The following OSBPL10 variants were observed in gnomAD, a reference collection of about 807,000 sequenced individuals.
OSBPL10 encodes oxysterol binding protein like 10, also known as oxysterol-binding protein-related protein 10.
OSBPL10 carries 49 observed loss-of-function variants against 81.7 expected under a neutral mutation model. The ratio of observed to expected loss-of-function variants is 0.60; its 90% CI spans 0.48 to 0.76. OSBPL10 has a LOEUF of 0.76. Ranked by LOEUF, OSBPL10 falls within the 30% of genes least tolerant of loss-of-function variation. OSBPL10 has a pLI of 0.00. For synonymous variants in OSBPL10, 419 were observed against 383.6 expected (o/e 1.09, Z -1.08); for missense variants, 923 against 987.8 (o/e 0.93, Z 0.88).
At chr3:31,762,674 G>C (rs1475697827) in intron 4 of OSBPL10, among the ~76,000 whole-genome samples, 1 of 118,278 alleles carries the variant, frequency 8.5e-6, no homozygotes, top group Non-Finnish European at 1.7e-5. Flanking sequence ...TCACCAAGTT[G>C]CCCAGGCTGG....
chr3:31,827,442 C>T (rs938912987), intron 4 of OSBPL10, among the ~76,000 whole-genome samples: 1 of 152,104 alleles, frequency 6.6e-6, no homozygotes, highest in Non-Finnish European at 1.5e-5. Context: ...CAAGACCAGC[C>T]TGGCTAACAC....
At chr3:31,663,748 A>G in intron 11 of OSBPL10, 1 of 1,184,388 alleles carries the variant, frequency 8.4e-7, no homozygotes, top group Non-Finnish European at 1.1e-6. Flanking sequence ...AGGTGCCATG[A>G]TGATTTTCTT....
intron 1 of OSBPL10, among the ~76,000 whole-genome samples, chr3:31,969,977 C>T (rs1423764157): frequency 6.6e-6 from 1 of 152,060 alleles, no homozygotes; most frequent in Non-Finnish European, 1.5e-5. Context: ...GTGGAATTAG[C>T]TGGTCCTAGT....
intron 4 of OSBPL10, among the ~76,000 whole-genome samples, chr3:31,785,660 A>C (rs1698842614): frequency 6.6e-6 from 1 of 152,146 alleles, no homozygotes; most frequent in South Asian, 2.1e-4. Flanking sequence ...TCATTCTATA[A>C]AATGAAGAGA....
intron 1 of OSBPL10, among the ~76,000 whole-genome samples, chr3:31,918,565 C>T (rs1696822983): frequency 6.6e-6 from 1 of 152,154 alleles, no homozygotes; most frequent in Non-Finnish European, 1.5e-5. Flanking sequence ...GCGGTCATCA[C>T]TGGGACCACT....
chr3:31,969,045 C>A (rs1427193747), intron 1 of OSBPL10, among the ~76,000 whole-genome samples: 2 of 152,132 alleles, frequency 1.3e-5, no homozygotes, highest in Non-Finnish European at 2.9e-5. Flanking sequence ...AGTACACACA[C>A]AAAAAAGTTC....
At chr3:31,681,206 G>A (rs114316325) in intron 8 of OSBPL10, among the ~76,000 whole-genome samples, 6,381 of 152,198 alleles carry the variant, frequency 0.042, 332 homozygotes, top group East Asian at 0.29. Context: ...AAGGTGTGAC[G>A]AGTGCAGCAT....
intron 4 of OSBPL10, among the ~76,000 whole-genome samples, chr3:31,752,204 A>G (rs1254903634): frequency 6.6e-6 from 1 of 152,246 alleles, no homozygotes; most frequent in African/African-American, 2.4e-5. Flanking sequence ...CTTTAAGAAA[A>G]TGTTGAACCA....
At chr3:32,046,387 T>C (rs1699622189) in intron 2 of OSBPL10, 1 of 152,248 alleles carries the variant, frequency 6.6e-6, no homozygotes, top group Non-Finnish European at 1.5e-5. Context: ...CTTCCACCTT[T>C]AGACTCCAAG....
At chr3:31,851,421 G>A (rs1700761226) in intron 3 of OSBPL10, among the ~76,000 whole-genome samples, 2 of 152,154 alleles carry the variant, frequency 1.3e-5, no homozygotes, top group Non-Finnish European at 2.9e-5. Context: ...AGAGGAAACC[G>A]GCAAGAGCCT....
chr3:31,814,988 G>A (rs1475247716), intron 4 of OSBPL10, among the ~76,000 whole-genome samples: 3 of 152,196 alleles, frequency 2.0e-5, no homozygotes, highest in Admixed American at 6.5e-5. Context: ...AAGTGAGAGT[G>A]TGACAGTTTC....
intron 3 of OSBPL10, among the ~76,000 whole-genome samples, chr3:31,862,179 T>A (rs1701070658): frequency 6.7e-6 from 1 of 149,522 alleles, no homozygotes; most frequent in Admixed American, 6.6e-5. Context: ...ACAAAAAAAT[T>A]TTTTTTTAAT....
Position 31,799,030 on chromosome 3 carries a change from C to T in OSBPL10, c.729+31010G>A, listed in dbSNP as rs1469135164. On this transcript the variant is annotated intron_variant, in intron 4 of 11. Coordinates refer to ENST00000396556, the MANE Select transcript of OSBPL10 (RefSeq NM_017784.5). The stretch of plus-strand genomic sequence containing the variant: ...ATTCACCGCTCACCTCCTGCTATGC[C>T]GCCCAGTTCCTAACAGTCCATGGGT... 4.6e-5 allele frequency among the ~76,000 whole-genome samples: 7 copies of T among 152,156 alleles called. No homozygotes were observed. In the East Asian group the frequency reaches 7.7e-4, roughly 17 times the overall value.
At chr3:31,890,844 C>T (rs1401855975) in intron 1 of OSBPL10, among the ~76,000 whole-genome samples, 2 of 152,112 alleles carry the variant, frequency 1.3e-5, no homozygotes, top group Non-Finnish European at 2.9e-5. Context: ...TTGATACTGA[C>T]GATGTTGGAA....
chr3:31,960,427 A>G (rs976889442), intron 1 of OSBPL10: 1 of 152,234 alleles, frequency 6.6e-6, no homozygotes, highest in Non-Finnish European at 1.5e-5. Context: ...GGGCATTTGC[A>G]TCAATTAGGA....
At chr3:31,845,466 C>T (rs868129620) in intron 3 of OSBPL10, among the ~76,000 whole-genome samples, 2 of 152,110 alleles carry the variant, frequency 1.3e-5, no homozygotes, top group African/African-American at 2.4e-5. Flanking sequence ...AGAGATGAGA[C>T]CAGGATCTTC....
intron 5 of OSBPL10, among the ~76,000 whole-genome samples, chr3:31,736,141 G>A (rs1417755664): frequency 1.3e-5 from 2 of 152,288 alleles, no homozygotes; most frequent in East Asian, 1.9e-4. Flanking sequence ...GGGAGTTAAC[G>A]TTTAAAAGGT....
chr3:31,680,687 T>G (rs532155737), intron 8 of OSBPL10, among the ~76,000 whole-genome samples: 3 of 152,276 alleles, frequency 2.0e-5, no homozygotes, highest in African/African-American at 7.2e-5. Flanking sequence ...TGGAGTGGAC[T>G]TGGAAGAACA....
intron 4 of OSBPL10, among the ~76,000 whole-genome samples, chr3:31,763,879 A>T (rs960007943): frequency 6.6e-6 from 1 of 152,248 alleles, no homozygotes; most frequent in African/African-American, 2.4e-5. Context: ...TGCATTTATC[A>T]GGAATCTGCT....
Sources: gnomAD v4.1 joint callset for allele counts (sites outside exome capture counted in the v4.1 genomes callset) on GRCh38, gnomAD v4.1.1 for gene constraint, MANE v1.5 for transcripts, NCBI Gene and HGNC (gene_info 2026-07-23, HGNC 2026-07-21) for gene names.